Variants in MYH15 observed in about 807,000 individuals in gnomAD.
The protein encoded by MYH15 is myosin heavy chain 15.
A neutral mutation model predicts 240.5 loss-of-function variants in MYH15; 227 were observed. The ratio of observed to expected loss-of-function variants is 0.94; its 90% confidence interval spans 0.85 to 1.05. The LOEUF (loss-of-function observed/expected upper bound fraction) is 1.05. Among genes scored for constraint, MYH15 ranks in the 50% least tolerant of loss-of-function variants. MYH15 has a pLI of 0.00. For missense variants in MYH15, 2,217 were observed against 2,247.5 expected, an observed-to-expected ratio of 0.99 and a Z score of 0.27; for synonymous variants, 785 against 796.7, an observed-to-expected ratio of 0.99 and a Z score of 0.25.
intron 12 of MYH15, among the ~76,000 whole-genome samples, chr3:108,476,190 A>C (rs949592002): frequency 6.6e-6 from 1 of 152,220 alleles, no homozygotes; most frequent in African/African-American, 2.4e-5. Context: ...AAAACTTTCA[A>C]AATGTATGTT....
chr3:108,479,584 C>T (rs1290389145), intron 11 of MYH15, among the ~76,000 whole-genome samples: 1 of 151,146 alleles, frequency 6.6e-6, no homozygotes, highest in African/African-American at 2.5e-5. Flanking sequence ...AGAAATCTGG[C>T]TTGTCTGGCT....
In MYH15 at chr3:108,510,548, A is replaced by G; in HGVS notation, c.-18T>C. The G allele has an allele frequency of 6.2e-7, 1 of 1,613,294 alleles. No individual in the cohort carries two copies. The highest frequency in any genetic ancestry group is 8.5e-7 in the Non-Finnish European group (1 of 1,179,706). On this transcript the variant is annotated 5_prime_UTR_variant, in exon 1 of 41. Coordinates refer to ENST00000693548, the MANE Select transcript of MYH15 (RefSeq NM_014981.3). ...AGATCCATCTTTATTAAAGCAATCC[A>G]CCAAAAAAAGGCCCTAAACGTGAGT... is the stretch of plus-strand genomic sequence containing the variant.
At chr3:108,518,054 C>A (rs1319571311) in intron 1 of MYH15, among the ~76,000 whole-genome samples, 1 of 152,132 alleles carries the variant, frequency 6.6e-6, no homozygotes, top group Non-Finnish European at 1.5e-5. Flanking sequence ...TGAAATGATA[C>A]CTTTGGAAAC....
chr3:108,448,745 C>CA (rs1340269209), intron 21 of MYH15, among the ~76,000 whole-genome samples: 2 of 149,692 alleles, frequency 1.3e-5, no homozygotes, highest in African/African-American at 4.8e-5. Context: ...CAAGAATGCT[C>CA]ACTCTCAATA....
intron 3 of MYH15, 39 bp from the exon 4 acceptor site, chr3:108,500,313 GA>G: frequency 6.3e-7 from 1 of 1,580,886 alleles, no homozygotes; most frequent in South Asian, 1.2e-5. Flanking sequence ...AACTAGATTA[GA>G]AATACTTCCA....
At position 108,399,059 on chromosome 3, in the gene MYH15, T is replaced by C; in HGVS notation, c.4929+16A>G. The C allele has an allele frequency of 6.2e-7, 1 of 1,608,246 alleles. No homozygotes were observed. Among genetic ancestry groups the C allele is most frequent in the Non-Finnish European group, 8.5e-7 (1 of 1,176,058 alleles). ...TTTTCCACCCCTCCCTACCCCATCT[T>C]ACAGTTTTAAAATACCTTGATTTGA... On this transcript the variant is annotated intron_variant, in intron 34 of 40. Transcript: ENST00000693548.
chr3:108,401,497 G>A (rs553345036), intron 33 of MYH15, among the ~76,000 whole-genome samples: 136 of 152,184 alleles, frequency 8.9e-4, no homozygotes, highest in Non-Finnish European at 1.6e-3. Flanking sequence ...ACCCATCTGT[G>A]CATTTTGTTA....
chr3:108,388,895 ATTTCAGGCTTGAAGGAGTACT>A, intron 38 of MYH15, 54 bp downstream of exon 38: 1 of 1,325,842 alleles, frequency 7.5e-7, no homozygotes, highest in Non-Finnish European at 1.1e-6. Context: ...CCAGAAGGCC[ATTTCAGGCTTGAAGGAGTACT>A]TTTCTGCAGG....
At chr3:108,452,986 A>C (rs988184923) in intron 21 of MYH15, among the ~76,000 whole-genome samples, 7 of 152,158 alleles carry the variant, frequency 4.6e-5, no homozygotes, top group Non-Finnish European at 1.0e-4. Context: ...TAATGTTAAG[A>C]ATTGATATAT....
Position 108,381,487 on chromosome 3 carries a change from C to T in MYH15, c.*58G>A. On this transcript the variant is annotated 3_prime_UTR_variant, in exon 41 of 41. Coordinates refer to ENST00000693548, the MANE Select transcript of MYH15 (RefSeq NM_014981.3). Reference sequence around the variant, plus strand: ...TTTCCATGCAACCTAAGTTTTTGGCCATGAAACAGCACCTTCCTTGTACTT... The same window carrying T: ...TTTCCATGCAACCTAAGTTTTTGGCTATGAAACAGCACCTTCCTTGTACTT... 1 of 1,597,290 alleles carries T rather than the reference C, an allele frequency of 6.3e-7. No individual in the cohort carries two copies. The highest frequency in any genetic ancestry group is 1.1e-5 in the South Asian group (1 of 90,510).
chr3:108,530,832 T>C (rs541221812), upstream of MYH15, among the ~76,000 whole-genome samples: 2 of 152,212 alleles, frequency 1.3e-5, no homozygotes, highest in South Asian at 2.1e-4. Context: ...AGAAATGATA[T>C]AGATGATGGA....
chr3:108,422,348 G>A (rs1025492070), intron 27 of MYH15, among the ~76,000 whole-genome samples: 1 of 151,862 alleles, frequency 6.6e-6, no homozygotes, highest in South Asian at 2.1e-4. Flanking sequence ...CCCCTGAGTA[G>A]GTGGGATTAT....
chr3:108,383,748 A>G lies in MYH15; in HGVS notation c.5632-19T>C. The G allele has an allele frequency of 6.5e-7, 1 of 1,536,374 alleles. No homozygotes were observed. Among genetic ancestry groups the G allele is most frequent in the Non-Finnish European group, 8.7e-7 (1 of 1,146,784 alleles). The stretch of plus-strand genomic sequence containing the variant: ...GTGTTTCCTATAAAAATAAAAAAAA[A>G]AAAAAAGAAATCTCCATGCCTATAT... On this transcript the variant is annotated intron_variant, in intron 39 of 40. Transcript: ENST00000693548.
At chr3:108,423,083 G>A (rs531821483) in intron 27 of MYH15, among the ~76,000 whole-genome samples, 2 of 152,292 alleles carry the variant, frequency 1.3e-5, no homozygotes, top group South Asian at 2.1e-4. Flanking sequence ...GAAGAAAAGG[G>A]GGAAACAGGG....
chr3:108,520,570 C>T (rs550105370), intron 1 of MYH15, among the ~76,000 whole-genome samples: 2 of 152,258 alleles, frequency 1.3e-5, no homozygotes, highest in Non-Finnish European at 2.9e-5. Context: ...GTCTCTGAGG[C>T]AAGGGTATGA....
chr3:108,449,674 C>A (rs563251406), intron 21 of MYH15, among the ~76,000 whole-genome samples: 1 of 151,836 alleles, frequency 6.6e-6, no homozygotes, highest in East Asian at 1.9e-4. Flanking sequence ...TTGGTTTTGG[C>A]AAATTTTTTT....
intron 2 of MYH15, among the ~76,000 whole-genome samples, chr3:108,503,156 A>G (rs2083450958): frequency 6.6e-6 from 1 of 152,118 alleles, no homozygotes; most frequent in South Asian, 2.1e-4. Context: ...AAAGAAGGAC[A>G]AGCAGGACAA....
At chr3:108,412,555 C>A (rs1048457471) in intron 30 of MYH15, among the ~76,000 whole-genome samples, 1 of 152,158 alleles carries the variant, frequency 6.6e-6, no homozygotes, top group Non-Finnish European at 1.5e-5. Context: ...ACATCCAGGG[C>A]AAACTGGACA....
At chr3:108,384,871 G>T in intron 38 of MYH15, 89 bp from the exon 39 acceptor site, 2 of 1,142,920 alleles carry the variant, frequency 1.7e-6, no homozygotes, top group South Asian at 1.4e-5. Flanking sequence ...TAAGGATCAG[G>T]GAACTTTATT....
Sources: allele counts gnomAD v4.1 joint callset (sites outside exome capture counted in the v4.1 genomes callset), GRCh38; gene constraint gnomAD v4.1.1; transcripts MANE v1.5; gene names NCBI Gene and HGNC (gene_info 2026-07-23, HGNC 2026-07-21).